CFAP161: variants seen among roughly 807,000 people sequenced by gnomAD.
CFAP161 encodes the protein cilia and flagella associated protein 161, also known as cilia- and flagella-associated protein 161.
Under a neutral mutation model 29.0 loss-of-function variants are expected in CFAP161, and 25 were observed. That is an observed-to-expected ratio of 0.86 (90% CI 0.63 to 1.20). CFAP161 has a LOEUF of 1.20. Among genes scored for constraint, CFAP161 ranks in the 50% most tolerant of loss-of-function variants. The pLI is 0.00. For missense variants in CFAP161, 367 were observed against 371.9 expected (o/e 0.99, Z 0.11); for synonymous variants, 116 against 137.4 (o/e 0.84, Z 1.09).
intron 1 of CFAP161, among the ~76,000 whole-genome samples, chr15:81,106,155 G>A (rs2141860785): frequency 6.6e-6 from 1 of 152,298 alleles, no homozygotes; most frequent in East Asian, 1.9e-4. Flanking sequence ...CTTGATAGAT[G>A]AGTAGAAATC....
chr15:81,143,575 C>A, intron 4 of CFAP161, 87 bp from the exon 5 acceptor site: 1 of 1,408,258 alleles, frequency 7.1e-7, no homozygotes, highest in Admixed American at 2.0e-5. Flanking sequence ...TTTGAATGTG[C>A]TTGCCGTCCA....
chr15:81,129,769 A>G (rs1713112874), upstream of CFAP161, among the ~76,000 whole-genome samples: 1 of 152,084 alleles, frequency 6.6e-6, no homozygotes, highest in Non-Finnish European at 1.5e-5. Context: ...AAAGTCCTAG[A>G]TGACATCTTC....
intron 4 of CFAP161, among the ~76,000 whole-genome samples, chr15:81,143,357 A>C (rs1450077383): frequency 6.6e-6 from 1 of 152,176 alleles, no homozygotes; most frequent in African/African-American, 2.4e-5. Context: ...TCCAGTTCCT[A>C]TATCCTGAAG....
chr15:81,132,915 G>T (rs1894730578), upstream of CFAP161, among the ~76,000 whole-genome samples: 1 of 151,990 alleles, frequency 6.6e-6, no homozygotes, highest in South Asian at 2.1e-4. Flanking sequence ...GCAGTTAGTG[G>T]TATACTATCT....
At chr15:81,112,263 C>T (rs1460948214) in intron 1 of CFAP161, among the ~76,000 whole-genome samples, 2 of 151,800 alleles carry the variant, frequency 1.3e-5, no homozygotes, top group African/African-American at 2.4e-5. Context: ...TTAAACTTTC[C>T]GAACTATGGA....
Position 81,136,664 on chromosome 15 carries a change from T to C in CFAP161, c.308T>C (p.Leu103Pro), listed in dbSNP as rs1350268424. 6.2e-7 allele frequency: 1 copy of C among 1,614,074 alleles called. No homozygotes were observed. Among genetic ancestry groups the C allele is most frequent in the Admixed American group, 1.7e-5 (1 of 60,002 alleles). ...CMTPDEIQSH[L>P]KDELEVPCGL... is the part of the protein sequence containing the mutation. ...ACTCCAGATGAAATTCAGTCCCATC[T>C]GAAAGACGAATTAGAGGTACCCTGT... The change falls in exon 3 of 7, where the codon CTG (leucine) becomes CCG (proline). Residue 103 changes from leucine (L) to proline (P), a missense_variant. Leu to Pro is a moderately conservative substitution (Grantham distance 98, BLOSUM62 -3). Transcript: ENST00000286732.
intron 1 of CFAP161, among the ~76,000 whole-genome samples, chr15:81,099,972 A>AT (rs1317315197): frequency 6.6e-6 from 1 of 152,144 alleles, no homozygotes; most frequent in East Asian, 1.9e-4. Flanking sequence ...CACCTATAAA[A>AT]TAGGAATGAT....
chr15:81,122,740 C>T lies in CFAP161; in HGVS notation c.-141-4850C>T, dbSNP rs184883220. The stretch of plus-strand genomic sequence containing the variant: ...CTCCTGACCTCAAGGAATCTGCCTG[C>T]CTCACCCTCCCAAAGTGCTGGGATT... On this transcript the variant is annotated intron_variant, in intron 1 of 4. Coordinates refer to the CFAP161 transcript ENST00000560091. Among the ~76,000 whole-genome samples the T allele has an allele frequency of 1.3e-3, 200 of 152,180 alleles. 1 individual carries two copies. The highest frequency in any genetic ancestry group is 4.7e-3 in the African/African-American group (196 of 41,508).
At chr15:81,103,567 T>C (rs1220369298) in intron 1 of CFAP161, among the ~76,000 whole-genome samples, 3 of 152,166 alleles carry the variant, frequency 2.0e-5, no homozygotes, top group African/African-American at 7.2e-5. Flanking sequence ...TGGAGGGTGG[T>C]GTGCCCAGGA....
At chr15:81,145,342 T>A (rs2141886030) in intron 5 of CFAP161, among the ~76,000 whole-genome samples, 1 of 152,358 alleles carries the variant, frequency 6.6e-6, no homozygotes, top group Non-Finnish European at 1.5e-5. Flanking sequence ...AGTTCCACAA[T>A]TTAAACTGCC....
upstream of CFAP161, chr15:81,134,214 A>G: frequency 7.9e-7 from 1 of 1,266,112 alleles, no homozygotes; most frequent in South Asian, 1.4e-5. Flanking sequence ...GCTGTCGCTT[A>G]TTGGCCAGCA....
intron 1 of CFAP161, among the ~76,000 whole-genome samples, chr15:81,105,110 C>CTTCCTTTT (rs1894347620): frequency 1.6e-5 from 1 of 60,704 alleles, no homozygotes; most frequent in Non-Finnish European, 3.5e-5. Flanking sequence ...CCCTCCCTTC[C>CTTCCTTTT]TTTCTCCCCC....
chr15:81,118,014 G>T, intron 1 of CFAP161: 1 of 495,938 alleles, frequency 2.0e-6, no homozygotes, highest in Non-Finnish European at 3.7e-6. Context: ...AGTCATTCAG[G>T]TTAATAACCT....
intron 1 of CFAP161, among the ~76,000 whole-genome samples, chr15:81,134,883 AGGGT>A (rs1894781709): frequency 6.6e-6 from 1 of 152,130 alleles, no homozygotes; most frequent in African/African-American, 2.4e-5. Flanking sequence ...TATTCTCCCA[AGGGT>A]GGTCTTAACA....
At chr15:81,148,201 T>C in intron 6 of CFAP161, 137 bp from the exon 7 acceptor site, 1 of 910,968 alleles carries the variant, frequency 1.1e-6, no homozygotes, top group Non-Finnish European at 1.7e-6. Flanking sequence ...CCTGCAAACA[T>C]GTCCCATTTT....
At chr15:81,133,079 A>AAGC (rs1480028995), upstream of CFAP161, among the ~76,000 whole-genome samples, 1 of 150,520 alleles carries the variant, frequency 6.6e-6, no homozygotes, top group African/African-American at 2.4e-5. Context: ...TTCAGCTCCA[A>AAGC]AGCAGCCCCT....
chr15:81,141,688 C>CTT (rs111423310), intron 4 of CFAP161, among the ~76,000 whole-genome samples: 1 of 140,302 alleles, frequency 7.1e-6, no homozygotes, highest in Non-Finnish European at 1.6e-5. Context: ...TAGTATTTGC[C>CTT]TTTTTTTTTT....
intron 4 of CFAP161, among the ~76,000 whole-genome samples, chr15:81,138,627 G>T (rs1894853314): frequency 6.6e-6 from 1 of 152,188 alleles, no homozygotes; most frequent in Non-Finnish European, 1.5e-5. Context: ...AATAGAACCA[G>T]ATAGATTTGG....
At chr15:81,140,183 C>T (rs1474667415) in intron 4 of CFAP161, among the ~76,000 whole-genome samples, 2 of 151,982 alleles carry the variant, frequency 1.3e-5, no homozygotes, top group Non-Finnish European at 1.5e-5. Context: ...TGCTGCTTGG[C>T]TTTTAAATTG....
Sources: allele counts gnomAD v4.1 joint callset (sites outside exome capture counted in the v4.1 genomes callset), GRCh38; gene constraint gnomAD v4.1.1; transcripts MANE v1.5; gene names NCBI Gene and HGNC (gene_info 2026-07-23, HGNC 2026-07-21).